DICER1: variants seen among roughly 807,000 people sequenced by gnomAD.
DICER1 encodes endoribonuclease Dicer.
In DICER1, 43 loss-of-function variants were observed where a neutral mutation model predicts 194.1. The observed-to-expected ratio is 0.22, with a 90% CI of 0.17 to 0.29. The LOEUF (loss-of-function observed/expected upper bound fraction) is 0.29. Ranked by LOEUF, DICER1 falls within the 10% of genes least tolerant of loss-of-function variation. The pLI is 1.00. For missense variants in DICER1, 1,608 were observed against 2,317.0 expected (o/e 0.69, Z 6.28); for synonymous variants, 832 against 820.5 (o/e 1.01, Z -0.24).
Position 95,124,504 on chromosome 14 carries a change from A to G in DICER1, c.1068T>C (p.His356=), listed in dbSNP as rs1555374759. Residue 356 remains histidine, a synonymous_variant, in exon 8 of 27, where the codon CAT becomes CAC. Coordinates refer to ENST00000343455, the MANE Select transcript of DICER1 (RefSeq NM_177438.3). This position sits in a 1 kb window ranked among gnomAD's most constrained non-coding sequence, Gnocchi z 4.5. Reference sequence around the variant, plus strand: ...GTGAGAAGTGCTCTTCACATAGTGCATGTATTTTCCTTAGGAAAGTGTCTG... The same window carrying G: ...GTGAGAAGTGCTCTTCACATAGTGCGTGTATTTTCCTTAGGAAAGTGTCTG... ...LFTDTFLRKI[H]ALCEEHFSPA... is the part of the protein sequence containing the mutation. 5 of 1,614,006 alleles carry G rather than the reference A, an allele frequency of 3.1e-6. No homozygotes were observed. Among genetic ancestry groups the G allele is most frequent in the African/African-American group, 2.7e-5 (2 of 74,924 alleles).
At chr14:95,101,685 G>C (rs1195846923) in intron 21 of DICER1, among the ~76,000 whole-genome samples, 1 of 152,136 alleles carries the variant, frequency 6.6e-6, no homozygotes, top group Non-Finnish European at 1.5e-5. Flanking sequence ...TCCACCTCAA[G>C]ATCATCCTGG....
chr14:95,112,129 T>C, intron 13 of DICER1, 43 bp downstream of exon 13: 2 of 1,540,138 alleles, frequency 1.3e-6, no homozygotes. Flanking sequence ...TTACAATGGT[T>C]GCAATTTATT....
At position 95,157,470 on chromosome 14, in the gene DICER1, T is replaced by G. The variant is rs537358585; in HGVS notation, c.-286A>C. The G allele has an allele frequency of 1.8e-4, 27 of 152,342 alleles. No homozygotes were observed. The highest frequency in any genetic ancestry group is 6.3e-4 in the African/African-American group (26 of 41,406). 9.4% of individuals were successfully genotyped at this position (152,342 alleles called of 1,614,324 possible). On this transcript the variant is annotated 5_prime_UTR_variant, in exon 1 of 27. Transcript: ENST00000343455. ...CTGCGGAGACTGCGCAGCGCCCGGC[T>G]GGCCGGCAGCCAGCGCACGGCCCGC... is the stretch of plus-strand genomic sequence containing the variant.
chr14:95,123,097 T>C lies in DICER1; in HGVS notation c.1376+1099A>G, dbSNP rs115822188. Among the ~76,000 whole-genome samples, 482 of 152,244 alleles carry C rather than the reference T, an allele frequency of 3.2e-3. 2 individuals are homozygous for C. Among genetic ancestry groups the C allele is most frequent in the African/African-American group, 0.011 (454 of 41,518 alleles). On this transcript the variant is annotated intron_variant, in intron 8 of 26. Coordinates refer to ENST00000343455, the MANE Select transcript of DICER1 (RefSeq NM_177438.3). ...TGGATCTCATAGAAAAGTAAATTGA[T>C]TTAAGTACAAAATAAGGACCTTTTT...
chr14:95,106,855 ATTAT>A (rs1391387225), intron 17 of DICER1, among the ~76,000 whole-genome samples: 1 of 152,224 alleles, frequency 6.6e-6, no homozygotes, highest in Non-Finnish European at 1.5e-5. Flanking sequence ...AAATGAAATC[ATTAT>A]TTATAATCAA....
rs750684907 is a variant in DICER1 at position 95,105,641 on chromosome 14, C to A, written c.3093+37G>T. On this transcript the variant is annotated intron_variant, in intron 19 of 26. Coordinates refer to ENST00000343455, the MANE Select transcript of DICER1 (RefSeq NM_177438.3). The surrounding 1 kb of genome is among the most constrained non-coding windows in gnomAD (Gnocchi z 4.9). ...TCTTTAATAATCTTTAATACTCAAA[C>A]AAATACTAAGTTATGCTAGTACAAT... 7.1e-7 allele frequency: 1 copy of A among 1,400,050 alleles called. No individual in the cohort carries two copies. The highest frequency in any genetic ancestry group is 1.7e-5 in the Admixed American group (1 of 59,606). The allele number at this position is 1,400,050 out of a possible 1,614,324, so 86.7% of individuals were successfully genotyped here. A position where few individuals can be genotyped will look rare whatever the true frequency, so the allele number is the denominator to read the frequency against.
intron 5 of DICER1, 115 bp downstream of exon 5, chr14:95,129,943 C>T: frequency 1.1e-6 from 1 of 947,034 alleles, no homozygotes; most frequent in Non-Finnish European, 1.6e-6. Flanking sequence ...TCATACACTG[C>T]AGCCAAACTC....
chr14:95,114,689 G>A (rs1595402353), intron 11 of DICER1, among the ~76,000 whole-genome samples: 1 of 152,140 alleles, frequency 6.6e-6, no homozygotes, highest in Non-Finnish European at 1.5e-5. Context: ...CTTTACAGTA[G>A]AGAAAACTGG....
Position 95,105,824 on chromosome 14 carries a change from T to A in DICER1, c.2988-41A>T. 6.4e-7 allele frequency: 1 copy of A among 1,550,488 alleles called. No homozygotes were observed. Among genetic ancestry groups the A allele is most frequent in the South Asian group, 1.1e-5 (1 of 89,702 alleles). On this transcript the variant is annotated intron_variant, in intron 18 of 26. Transcript: ENST00000343455. The surrounding 1 kb of genome is among the most constrained non-coding windows in gnomAD (Gnocchi z 4.9). Reference sequence around the variant, plus strand: ...AACAATTTTATCAAACACACAAAAATGAGTACATATTCACAGTGGTTCTCC... The same window carrying A: ...AACAATTTTATCAAACACACAAAAAAGAGTACATATTCACAGTGGTTCTCC...
chr14:95,112,972 G>C, intron 12 of DICER1, 120 bp downstream of exon 12: 1 of 1,073,268 alleles, frequency 9.3e-7, no homozygotes, highest in South Asian at 1.3e-5. Flanking sequence ...CAAGGCTCCT[G>C]CTCATGAAAG....
intron 1 of DICER1, among the ~76,000 whole-genome samples, chr14:95,150,654 A>G (rs1238735853): frequency 6.6e-6 from 1 of 152,232 alleles, no homozygotes; most frequent in African/African-American, 2.4e-5. Context: ...CATTGGGTGA[A>G]GGTTACTAAA....
rs776854466 is a variant in DICER1, at chr14:95,103,372, G to A, written c.4024C>T (p.Arg1342Cys). ...FCTYPDAHEG[R>C]LSYMRSKKVS... ...TTTTTGCTTCTCATATATGAAAGGCGGCCCTCATGCGCATCAGGGTAAGTG... is the reference window on the plus strand; with the variant it reads ...TTTTTGCTTCTCATATATGAAAGGCAGCCCTCATGCGCATCAGGGTAAGTG... The change falls in exon 21 of 27, where the codon CGC becomes TGC. Residue 1342 changes from arginine to cysteine, a missense_variant. Transcript: ENST00000343455. The A allele has an allele frequency of 1.2e-6, 2 of 1,614,090 alleles. No homozygotes were observed. The highest frequency in any genetic ancestry group is 8.5e-7 in the Non-Finnish European group (1 of 1,179,988).
At chr14:95,116,089 A>ACACT (rs1000458985) in intron 10 of DICER1, among the ~76,000 whole-genome samples, 1 of 150,564 alleles carries the variant, frequency 6.6e-6, no homozygotes, top group Non-Finnish European at 1.5e-5. Context: ...ACACACACAC[A>ACACT]CGACTGTTAG....
At position 95,117,663 on chromosome 14, in the gene DICER1, G is replaced by T. The variant is rs777894117; in HGVS notation, c.1468C>A (p.Arg490Ser). The T allele has an allele frequency of 2.5e-6, 4 of 1,613,966 alleles. No individual in the cohort carries two copies. The highest frequency in any genetic ancestry group is 3.4e-6 in the Non-Finnish European group (4 of 1,179,942). The change falls in exon 9 of 27, where the codon CGC becomes AGC. Residue 490 changes from arginine (R) to serine (S), a missense_variant. Around this residue, in one of 10 missense-constraint regions of DICER1, gnomAD observed 657 missense variants for 910.1 expected, o/e 0.72. Transcript: ENST00000343455. The stretch of plus-strand genomic sequence containing the variant: ...AATTCTGCTTCCATCTGTTTGTTGC[G>T]AGGCTGATTCTTCCCAATGCCATGT... ...TGHGIGKNQP[R>S]NKQMEAEFRK... is the part of the protein sequence containing the mutation.
chr14:95,125,810 AAG>A lies in DICER1; in HGVS notation c.903+768_903+769del, dbSNP rs762281941. ...AGGTACAGAAAGAGGAGAGGAGAGA[AAG>A]AGAGAGAGAGAGGAAAAAAAGACAG... On this transcript the variant is annotated intron_variant, in intron 7 of 26. Coordinates refer to ENST00000343455, the MANE Select transcript of DICER1 (RefSeq NM_177438.3). Among the ~76,000 whole-genome samples, 125 of 130,030 alleles carry A rather than the reference AAG, an allele frequency of 9.6e-4. 1 individual carries two copies. The highest frequency in any genetic ancestry group is 3.5e-3 in the Middle Eastern group (1 of 284). 85.3% of individuals were successfully genotyped at this position (130,030 alleles called of 152,430 possible).
At chr14:95,112,092 C>G in intron 13 of DICER1, 80 bp downstream of exon 13, 1 of 1,232,260 alleles carries the variant, frequency 8.1e-7, no homozygotes, top group Non-Finnish European at 1.2e-6. Flanking sequence ...CCTTACAGAT[C>G]TATAAAGTCC....
chr14:95,109,021 T>G (rs1165061325), intron 14 of DICER1, among the ~76,000 whole-genome samples: 1 of 152,362 alleles, frequency 6.6e-6, no homozygotes, highest in East Asian at 1.9e-4. Context: ...TATACATTTA[T>G]ATTTTTCAAT....
intron 26 of DICER1, 121 bp downstream of exon 26, chr14:95,090,912 TC>T: frequency 9.4e-7 from 1 of 1,061,964 alleles, no homozygotes; most frequent in Non-Finnish European, 1.4e-6. Context: ...CAAACAGAAA[TC>T]TGACAACAGC....
intron 9 of DICER1, among the ~76,000 whole-genome samples, 156 bp downstream of exon 9, chr14:95,117,466 T>C (rs561225556): frequency 6.6e-6 from 1 of 152,298 alleles, no homozygotes; most frequent in African/African-American, 2.4e-5. Flanking sequence ...TACAGCTACC[T>C]CATGGGGACA....
Sources: allele counts gnomAD v4.1 joint callset (sites outside exome capture counted in the v4.1 genomes callset), GRCh38; gene constraint gnomAD v4.1.1; regional missense constraint gnomAD v4.1.1; non-coding constraint Gnocchi (gnomAD v3.1); transcripts MANE v1.5; gene names NCBI Gene and HGNC (gene_info 2026-07-23, HGNC 2026-07-21).